Variants in HOMER1 observed in about 807,000 individuals in gnomAD.
HOMER1 encodes the protein homer scaffold protein 1, also known as homer protein homolog 1.
Under a neutral mutation model 48.9 loss-of-function variants are expected in HOMER1, and 3 were observed. The observed-to-expected ratio is 0.06, with a 90% CI of 0.03 to 0.16. The LOEUF (loss-of-function observed/expected upper bound fraction) is 0.16, where lower values mean the gene tolerates loss of function less well. HOMER1 is among the 10% of genes least tolerant of loss of function. The pLI is 1.00. For missense variants in HOMER1, 247 were observed against 411.4 expected (o/e 0.60, Z 3.46); for synonymous variants, 134 against 146.4 (o/e 0.92, Z 0.61).
intron 6 of HOMER1, among the ~76,000 whole-genome samples, chr5:79,399,873 C>A (rs1177096441): frequency 6.6e-6 from 1 of 152,000 alleles, no homozygotes; most frequent in African/African-American, 2.4e-5. Flanking sequence ...GTTATTCAGG[C>A]TGAAGGGAAA....
At chr5:79,430,959 G>T (rs1750406832) in intron 5 of HOMER1, among the ~76,000 whole-genome samples, 1 of 152,002 alleles carries the variant, frequency 6.6e-6, no homozygotes, top group South Asian at 2.1e-4. Flanking sequence ...ATAAAACATG[G>T]TATATTCATA....
chr5:79,479,946 G>C (rs149254902), intron 1 of HOMER1, among the ~76,000 whole-genome samples: 1 of 152,138 alleles, frequency 6.6e-6, no homozygotes, highest in East Asian at 1.9e-4. Context: ...GGGTATCTTC[G>C]ACTGCACTGT....
chr5:79,462,952 C>T (rs1751357753), intron 1 of HOMER1, among the ~76,000 whole-genome samples: 1 of 152,144 alleles, frequency 6.6e-6, no homozygotes, highest in Non-Finnish European at 1.5e-5. Flanking sequence ...TATGTAAGTA[C>T]AAATGGCTAC....
chr5:79,399,113 T>G (rs1430587883), intron 6 of HOMER1, among the ~76,000 whole-genome samples: 1 of 152,240 alleles, frequency 6.6e-6, no homozygotes, highest in Non-Finnish European at 1.5e-5. Flanking sequence ...ATAGTTTTTA[T>G]TGGAGTAACT....
At chr5:79,413,744 T>G (rs759103921) in intron 5 of HOMER1, among the ~76,000 whole-genome samples, 2 of 151,040 alleles carry the variant, frequency 1.3e-5, no homozygotes, top group Non-Finnish European at 2.9e-5. Context: ...GCTAGGTGCT[T>G]TCATATCAGC....
intron 1 of HOMER1, among the ~76,000 whole-genome samples, chr5:79,485,548 T>G (rs1387073604): frequency 1.3e-5 from 2 of 152,206 alleles, no homozygotes; most frequent in Non-Finnish European, 2.9e-5. Context: ...GATATTTAGA[T>G]TTGTAAGTAA....
intron 1 of HOMER1, among the ~76,000 whole-genome samples, chr5:79,481,150 A>G (rs900481819): frequency 2.5e-4 from 38 of 152,308 alleles, no homozygotes; most frequent in African/African-American, 8.2e-4. Flanking sequence ...CAGCACTTTC[A>G]GAGTCTCCAA....
At chr5:79,502,852 G>A (rs999130230) in intron 1 of HOMER1, among the ~76,000 whole-genome samples, 5 of 152,244 alleles carry the variant, frequency 3.3e-5, no homozygotes, top group Admixed American at 6.5e-5. Context: ...GTGCAGTGGC[G>A]CAATCTCAGC....
chr5:79,481,940 T>G (rs898912097), intron 1 of HOMER1, among the ~76,000 whole-genome samples: 2 of 152,176 alleles, frequency 1.3e-5, no homozygotes, highest in Non-Finnish European at 2.9e-5. Context: ...AATATAAGTC[T>G]GGGCACGGTG....
intron 1 of HOMER1, among the ~76,000 whole-genome samples, chr5:79,509,465 C>T (rs1266767937): frequency 7.1e-6 from 1 of 141,372 alleles, no homozygotes; most frequent in Admixed American, 7.8e-5. Flanking sequence ...TACTGACTCA[C>T]TGCTGTCATT....
chr5:79,379,153 TATAA>T lies in HOMER1; in HGVS notation c.877-2960_877-2957del, dbSNP rs1453583918. ...TTTATTTATATATAAAAATTATTTA[TATAA>T]ATATATTTATATATTATATATATTT... On this transcript the variant is annotated intron_variant, in intron 8 of 8. Transcript: ENST00000334082. Among the ~76,000 whole-genome samples, 39 of 110,148 alleles carry T rather than the reference TATAA, an allele frequency of 3.5e-4. 1 individual carries two copies. Among genetic ancestry groups the T allele is most frequent in the African/African-American group, 1.3e-3 (36 of 28,550 alleles). The allele number at this position is 110,148 out of a possible 152,430, so 72.3% of individuals were successfully genotyped here.
intron 1 of HOMER1, among the ~76,000 whole-genome samples, chr5:79,511,336 G>C (rs1228438059): frequency 6.6e-6 from 1 of 152,196 alleles, no homozygotes; most frequent in Non-Finnish European, 1.5e-5. Flanking sequence ...CGCTTAAACT[G>C]CTTAGAGTGA....
intron 1 of HOMER1, among the ~76,000 whole-genome samples, chr5:79,471,271 C>T (rs1035494542): frequency 7.9e-5 from 12 of 152,082 alleles, no homozygotes; most frequent in East Asian, 1.9e-4. Flanking sequence ...AGGCCAGGAG[C>T]GGTGGCTCAT....
intron 1 of HOMER1, among the ~76,000 whole-genome samples, chr5:79,498,396 CAA>C (rs932319076): frequency 2.6e-5 from 4 of 151,598 alleles, no homozygotes; most frequent in Admixed American, 2.0e-4. Context: ...AACTATGTCT[CAA>C]AAAAAAGAGT....
intron 1 of HOMER1, among the ~76,000 whole-genome samples, chr5:79,466,982 G>C (rs934699319): frequency 6.6e-6 from 1 of 152,008 alleles, no homozygotes; most frequent in African/African-American, 2.4e-5. Context: ...AGTAGAGATA[G>C]GGTTTCACCA....
rs1749400194 is a variant in HOMER1 at position 79,396,893 on chromosome 5, C to A, written c.806G>T (p.Arg269Met). The A allele has an allele frequency of 6.3e-7, 1 of 1,582,372 alleles. No homozygotes were observed. Reference sequence around the variant, plus strand: ...GGCATTATCAATTTCTTGTTTTAACCTTTCTATTTCCTAGAAAAGACAGAG... The same window carrying A: ...GGCATTATCAATTTCTTGTTTTAACATTTCTATTTCCTAGAAAAGACAGAG... ...TLKLKEEEIE[R>M]LKQEIDNARE... Residue 269 changes from arginine (R) to methionine (M), a missense_variant, in exon 8 of 9, where the codon AGG becomes ATG. By Grantham distance (91) the Arg-to-Met change is moderately conservative. Coordinates refer to ENST00000334082, the MANE Select transcript of HOMER1 (RefSeq NM_004272.5).
chr5:79,450,232 G>A (rs1204208816), intron 3 of HOMER1, among the ~76,000 whole-genome samples: 1 of 152,136 alleles, frequency 6.6e-6, no homozygotes, highest in African/African-American at 2.4e-5. Flanking sequence ...TTTAGGTCTG[G>A]CAGGCACAAG....
chr5:79,447,036 A>G lies in HOMER1; in HGVS notation c.387+17T>C, dbSNP rs779393191. On this transcript the variant is annotated intron_variant, in intron 4 of 8. Coordinates refer to ENST00000334082, the MANE Select transcript of HOMER1 (RefSeq NM_004272.5). ...ATGAACAAGGTTCATAATTAAGAAT[A>G]GAAATGATATACCCACCTGTGAAGG... 7.1e-7 allele frequency: 1 copy of G among 1,406,630 alleles called. No homozygotes were observed. Among genetic ancestry groups the G allele is most frequent in the Non-Finnish European group, 1.0e-6 (1 of 990,854 alleles). The allele number at this position is 1,406,630 out of a possible 1,614,324, so 87.1% of individuals were successfully genotyped here.
chr5:79,492,120 A>G (rs1367335933), intron 1 of HOMER1, among the ~76,000 whole-genome samples: 1 of 152,248 alleles, frequency 6.6e-6, no homozygotes, highest in African/African-American at 2.4e-5. Context: ...GAGCTTGATA[A>G]TGAAGTTATA....
Sources: allele counts gnomAD v4.1 joint callset (sites outside exome capture counted in the v4.1 genomes callset), GRCh38; gene constraint gnomAD v4.1.1; transcripts MANE v1.5; gene names NCBI Gene and HGNC (gene_info 2026-07-23, HGNC 2026-07-21).